The following PARD3B variants were observed in gnomAD, a reference collection of about 807,000 sequenced individuals.
PARD3B encodes par-3 family cell polarity regulator beta, also known as partitioning defective 3 homolog B.
In PARD3B, 103 loss-of-function variants were observed where a neutral mutation model predicts 130.2. The observed-to-expected ratio is 0.79, with a 90% CI of 0.67 to 0.93. The LOEUF (loss-of-function observed/expected upper bound fraction) is 0.93. PARD3B is among the 40% of genes least tolerant of loss of function. The pLI is 0.00. For synonymous variants in PARD3B, 583 were observed against 553.2 expected (o/e 1.05, Z -0.76); for missense variants, 1,609 against 1,499.2 (o/e 1.07, Z -1.21).
At chr2:204,563,156 T>C (rs2031427349) in intron 1 of PARD3B, among the ~76,000 whole-genome samples, 1 of 151,928 alleles carries the variant, frequency 6.6e-6, no homozygotes, top group African/African-American at 2.4e-5. Context: ...CCAGGGCATT[T>C]CTGAGCTATG....
In PARD3B at chr2:205,604,703, G is replaced by A. The variant is rs142984803; in HGVS notation, c.3261-10753G>A. Among the ~76,000 whole-genome samples, 13 of 152,206 alleles carry A rather than the reference G, an allele frequency of 8.5e-5. No individual in the cohort carries two copies. The East Asian group carries it at 2.5e-3, about 29-fold the overall frequency. On this transcript the variant is annotated intron_variant, in intron 22 of 22. Coordinates refer to ENST00000406610, the MANE Select transcript of PARD3B (RefSeq NM_001302769.2). Reference sequence around the variant, plus strand: ...TGTGTCTTGGGGTTGATCTTCTCAGGGAGTATCTTACCGGTGTTCTCTGGA... The same window carrying A: ...TGTGTCTTGGGGTTGATCTTCTCAGAGAGTATCTTACCGGTGTTCTCTGGA...
At chr2:205,597,981 A>G (rs2054631590) in intron 22 of PARD3B, among the ~76,000 whole-genome samples, 1 of 152,172 alleles carries the variant, frequency 6.6e-6, no homozygotes, top group South Asian at 2.1e-4. Flanking sequence ...CATGGAAACA[A>G]AAGAATGATG....
At chr2:205,354,489 A>T (rs1032324635) in intron 18 of PARD3B, among the ~76,000 whole-genome samples, 2 of 151,878 alleles carry the variant, frequency 1.3e-5, no homozygotes, top group Admixed American at 6.6e-5. Flanking sequence ...AAAAAATTAA[A>T]AAAAATCTTT....
intron 2 of PARD3B, among the ~76,000 whole-genome samples, chr2:204,915,011 C>G (rs536038034): frequency 6.6e-6 from 1 of 152,184 alleles, no homozygotes; most frequent in Non-Finnish European, 1.5e-5. Flanking sequence ...CCCCACTTTC[C>G]TCACCTATTT....
intron 2 of PARD3B, among the ~76,000 whole-genome samples, chr2:204,859,245 T>C (rs910945076): frequency 6.6e-6 from 1 of 152,162 alleles, no homozygotes; most frequent in Non-Finnish European, 1.5e-5. Flanking sequence ...TATTCGACTT[T>C]AACAAGTATG....
At chr2:205,420,846 T>A (rs114525661) in intron 19 of PARD3B, among the ~76,000 whole-genome samples, 223 of 152,270 alleles carry the variant, frequency 1.5e-3, no homozygotes, top group African/African-American at 5.1e-3. Flanking sequence ...TTTTGCCTTA[T>A]GAAAAATGCA....
At chr2:204,837,152 A>C (rs2044067819) in intron 2 of PARD3B, among the ~76,000 whole-genome samples, 2 of 152,134 alleles carry the variant, frequency 1.3e-5, no homozygotes, top group Admixed American at 6.5e-5. Context: ...CTTGCAACAT[A>C]CATTCTAGTA....
intron 13 of PARD3B, among the ~76,000 whole-genome samples, chr2:205,178,621 A>G (rs2035619490): frequency 6.6e-6 from 1 of 152,218 alleles, no homozygotes; most frequent in South Asian, 2.1e-4. Flanking sequence ...TAAAATATCT[A>G]GATTTCATGT....
intron 2 of PARD3B, among the ~76,000 whole-genome samples, chr2:204,731,702 T>G (rs975391380): frequency 6.6e-6 from 1 of 152,154 alleles, no homozygotes; most frequent in Non-Finnish European, 1.5e-5. Flanking sequence ...AATGAAAATT[T>G]TAACCAAATA....
chr2:204,770,937 A>G (rs943672766), intron 2 of PARD3B, among the ~76,000 whole-genome samples: 4 of 152,088 alleles, frequency 2.6e-5, no homozygotes, highest in African/African-American at 7.2e-5. Flanking sequence ...TTTCCTAACA[A>G]ATAACTTGCA....
intron 2 of PARD3B, among the ~76,000 whole-genome samples, chr2:204,840,907 G>T (rs1035007627): frequency 2.0e-5 from 3 of 152,082 alleles, no homozygotes; most frequent in African/African-American, 7.2e-5. Flanking sequence ...GTAAGTATAG[G>T]AAAAAACATA....
At chr2:205,108,026 C>G (rs767399567) in intron 5 of PARD3B, among the ~76,000 whole-genome samples, 15 of 152,116 alleles carry the variant, frequency 9.9e-5, no homozygotes, top group African/African-American at 3.1e-4. Context: ...ATTCTTAAAA[C>G]GCCAGCGCAT....
chr2:205,115,299 A>G (rs1247573217), intron 6 of PARD3B, among the ~76,000 whole-genome samples: 3 of 152,178 alleles, frequency 2.0e-5, no homozygotes, highest in African/African-American at 7.2e-5. Context: ...TGGTTTCAGA[A>G]CAACTGGATT....
intron 21 of PARD3B, among the ~76,000 whole-genome samples, chr2:205,551,887 G>A (rs1182622070): frequency 2.0e-5 from 3 of 152,084 alleles, no homozygotes; most frequent in Admixed American, 1.3e-4. Context: ...CCACCTGATA[G>A]TCCAAGTTTT....
At chr2:205,088,158 T>A (rs1037972100) in intron 4 of PARD3B, among the ~76,000 whole-genome samples, 6 of 152,222 alleles carry the variant, frequency 3.9e-5, no homozygotes, top group Non-Finnish European at 7.3e-5. Context: ...CACTCACCAG[T>A]CTTTCCAGTA....
At chr2:205,544,953 G>C (rs1198983392) in intron 21 of PARD3B, among the ~76,000 whole-genome samples, 1 of 152,212 alleles carries the variant, frequency 6.6e-6, no homozygotes, top group Non-Finnish European at 1.5e-5. Context: ...ACTTATCCAA[G>C]AGTTCCTTTT....
chr2:205,551,849 T>C lies in PARD3B; in HGVS notation c.3181-1475T>C, dbSNP rs79365840. On this transcript the variant is annotated intron_variant, in intron 21 of 22. Coordinates refer to ENST00000406610, the MANE Select transcript of PARD3B (RefSeq NM_001302769.2). ...GACCTTGACACTGTTAGTTCCTTCC[T>C]GTGCTTACTGGCAAAATCTCTTCCT... 4.7e-3 allele frequency among the ~76,000 whole-genome samples: 712 copies of C among 152,304 alleles called. 5 individuals carry two copies. Among genetic ancestry groups the C allele is most frequent in the African/African-American group, 0.015 (643 of 41,572 alleles).
intron 1 of PARD3B, among the ~76,000 whole-genome samples, chr2:204,647,995 G>A (rs1340413781): frequency 6.6e-6 from 1 of 151,272 alleles, no homozygotes; most frequent in Non-Finnish European, 1.5e-5. Flanking sequence ...CTTTTTAAAG[G>A]TTAATTTTTG....
intron 18 of PARD3B, among the ~76,000 whole-genome samples, chr2:205,388,059 C>T (rs778540852): frequency 2.0e-5 from 3 of 152,164 alleles, no homozygotes; most frequent in Non-Finnish European, 4.4e-5. Flanking sequence ...GGTAAATTTA[C>T]TTGATTGAGA....
Sources: gnomAD v4.1 joint callset for allele counts (sites outside exome capture counted in the v4.1 genomes callset) on GRCh38, gnomAD v4.1.1 for gene constraint, MANE v1.5 for transcripts, NCBI Gene and HGNC (gene_info 2026-07-23, HGNC 2026-07-21) for gene names.